LRP1B: variants seen among roughly 807,000 people sequenced by gnomAD.
LRP1B encodes LDL receptor related protein 1B.
Under a neutral mutation model 556.6 loss-of-function variants are expected in LRP1B, and 217 were observed. The ratio of observed to expected loss-of-function variants is 0.39; its 90% CI spans 0.35 to 0.44. The LOEUF (loss-of-function observed/expected upper bound fraction) is 0.44. LRP1B is among the 20% of genes least tolerant of loss of function. The pLI is 1.00. For synonymous variants in LRP1B, 2,047 were observed against 1,865.8 expected (o/e 1.10, Z -2.50); for missense variants, 5,053 against 5,620.8 (o/e 0.90, Z 3.23).
At position 141,728,944 on chromosome 2, in the gene LRP1B, G is replaced by A. The variant is rs376969672; in HGVS notation, c.205+81335C>T. Among the ~76,000 whole-genome samples, 6 of 152,082 alleles carry A rather than the reference G, an allele frequency of 3.9e-5. No individual in the cohort carries two copies. In the East Asian group the frequency reaches 5.8e-4, roughly 15 times the overall value. ...CTGTCTGAATTTGCTAGGTGGAGAG[G>A]GGGGTGCCAGGAGTGCTGTGTCTGC... On this transcript the variant is annotated intron_variant, in intron 2 of 90. Coordinates refer to ENST00000389484, the MANE Select transcript of LRP1B (RefSeq NM_018557.3).
chr2:141,855,478 G>A (rs766853378), intron 1 of LRP1B, among the ~76,000 whole-genome samples: 8 of 152,192 alleles, frequency 5.3e-5, no homozygotes, highest in Middle Eastern at 6.8e-3. Context: ...TTGTGATCCC[G>A]GAAATGTTCA....
chr2:141,860,039 G>A (rs1450517950), intron 1 of LRP1B, among the ~76,000 whole-genome samples: 1 of 151,928 alleles, frequency 6.6e-6, no homozygotes, highest in Non-Finnish European at 1.5e-5. Flanking sequence ...TTCACACATC[G>A]TACACCTCTT....
intron 1 of LRP1B, among the ~76,000 whole-genome samples, chr2:142,077,119 A>C (rs992299522): frequency 2.6e-5 from 4 of 152,158 alleles, no homozygotes; most frequent in African/African-American, 9.6e-5. Context: ...TTGTAACAAT[A>C]ATGATAATAA....
chr2:141,129,046 T>C (rs573246959), intron 7 of LRP1B, among the ~76,000 whole-genome samples: 84 of 152,306 alleles, frequency 5.5e-4, no homozygotes, highest in Admixed American at 1.2e-3. Flanking sequence ...TGTACTAAGT[T>C]AATATTTTTC....
At chr2:141,426,447 A>AGTATTCT (rs1454791712) in intron 3 of LRP1B, among the ~76,000 whole-genome samples, 5 of 152,210 alleles carry the variant, frequency 3.3e-5, no homozygotes, top group South Asian at 4.1e-4. Context: ...ATTCAATTTG[A>AGTATTCT]GTATTCTGAA....
At chr2:142,059,812 C>A (rs1309999309) in intron 1 of LRP1B, among the ~76,000 whole-genome samples, 1 of 152,000 alleles carries the variant, frequency 6.6e-6, no homozygotes, top group Non-Finnish European at 1.5e-5. Flanking sequence ...GAACAAATCC[C>A]TTACAAACTA....
chr2:140,650,934 T>C lies in LRP1B; in HGVS notation c.6800-49295A>G, dbSNP rs185183907. 8.4e-4 allele frequency among the ~76,000 whole-genome samples: 128 copies of C among 152,164 alleles called. No individual in the cohort carries two copies. The South Asian group carries it at 0.011, about 13-fold the overall frequency. On this transcript the variant is annotated intron_variant, in intron 41 of 90. Coordinates refer to ENST00000389484, the MANE Select transcript of LRP1B (RefSeq NM_018557.3). ...CAGGGCAACTCTAATAGAATAAACA[T>C]GTTAAAGTGAAAGATGGCATGTATT... is the stretch of plus-strand genomic sequence containing the variant.
chr2:141,054,133 T>C (rs1271581347), intron 10 of LRP1B, among the ~76,000 whole-genome samples: 1 of 152,022 alleles, frequency 6.6e-6, no homozygotes, highest in Admixed American at 6.6e-5. Context: ...TATTAGTAGC[T>C]CTAACCATTC....
chr2:141,989,191 T>C (rs1702277504), intron 1 of LRP1B, among the ~76,000 whole-genome samples: 1 of 152,090 alleles, frequency 6.6e-6, no homozygotes, highest in Non-Finnish European at 1.5e-5. Context: ...ATCTGTTTTC[T>C]ACCACTGTCA....
chr2:140,344,615 TAAATG>T (rs1681560255), intron 77 of LRP1B, among the ~76,000 whole-genome samples: 1 of 151,864 alleles, frequency 6.6e-6, no homozygotes, highest in Non-Finnish European at 1.5e-5. Flanking sequence ...GAGTTGTCGT[TAAATG>T]AGATTACAAA....
intron 41 of LRP1B, among the ~76,000 whole-genome samples, chr2:140,682,588 A>G (rs1359736169): frequency 6.6e-6 from 1 of 152,126 alleles, no homozygotes; most frequent in Non-Finnish European, 1.5e-5. Flanking sequence ...AAAAAAATAA[A>G]AGAAAAATAA....
chr2:141,939,693 A>G (rs1013468881), intron 1 of LRP1B, among the ~76,000 whole-genome samples: 1 of 152,106 alleles, frequency 6.6e-6, no homozygotes, highest in Non-Finnish European at 1.5e-5. Context: ...TTTGCATGGT[A>G]AAAATAATAG....
intron 6 of LRP1B, among the ~76,000 whole-genome samples, chr2:141,202,021 A>G (rs1682045017): frequency 6.6e-6 from 1 of 151,642 alleles, no homozygotes; most frequent in African/African-American, 2.4e-5. Flanking sequence ...ACACAGGTAA[A>G]CATATGCCAT....
chr2:140,257,894 A>AC (rs1422266186), intron 86 of LRP1B, among the ~76,000 whole-genome samples: 16 of 152,146 alleles, frequency 1.1e-4, no homozygotes, highest in Non-Finnish European at 4.4e-5. Flanking sequence ...TCTCTAAGGG[A>AC]CCACAAGGTC....
At chr2:140,285,422 C>T (rs937935549) in intron 84 of LRP1B, among the ~76,000 whole-genome samples, 6 of 150,044 alleles carry the variant, frequency 4.0e-5, no homozygotes, top group Admixed American at 2.7e-4. Context: ...TATTTCTACA[C>T]TGGTGTGATA....
intron 3 of LRP1B, among the ~76,000 whole-genome samples, chr2:141,465,172 A>G (rs1353038887): frequency 6.6e-6 from 1 of 152,194 alleles, no homozygotes; most frequent in Non-Finnish European, 1.5e-5. Flanking sequence ...TTGGCTGACC[A>G]GAAATGTGAA....
At chr2:140,526,665 T>C (rs1690449546) in intron 47 of LRP1B, among the ~76,000 whole-genome samples, 2 of 147,466 alleles carry the variant, frequency 1.4e-5, no homozygotes, top group Admixed American at 6.9e-5. Flanking sequence ...GTTGATATCA[T>C]ATTGCTGTGG....
intron 12 of LRP1B, 143 bp from the exon 13 acceptor site, chr2:141,016,058 G>T (rs1034510800): frequency 6.1e-6 from 4 of 653,578 alleles, no homozygotes; most frequent in South Asian, 1.8e-5. Flanking sequence ...CTGTCAAAGA[G>T]GGGGGAGCTG....
chr2:141,069,960 C>G (rs893243056), intron 7 of LRP1B, among the ~76,000 whole-genome samples: 1 of 129,218 alleles, frequency 7.7e-6, no homozygotes, highest in African/African-American at 2.9e-5. Flanking sequence ...CCCCTCCCCC[C>G]ACCCCACAAC....
Sources: allele counts gnomAD v4.1 joint callset (sites outside exome capture counted in the v4.1 genomes callset), GRCh38; gene constraint gnomAD v4.1.1; transcripts MANE v1.5; gene names NCBI Gene and HGNC (gene_info 2026-07-23, HGNC 2026-07-21).